ADGRV1: variants seen among roughly 807,000 people sequenced by gnomAD.
ADGRV1 encodes the protein adhesion G protein-coupled receptor V1.
In ADGRV1, 359 loss-of-function variants were observed where a neutral mutation model predicts 596.2. The ratio of observed to expected loss-of-function variants is 0.60; its 90% CI spans 0.55 to 0.66. The LOEUF (loss-of-function observed/expected upper bound fraction) is 0.66. Ranked by LOEUF, ADGRV1 falls within the 30% of genes least tolerant of loss-of-function variation. The pLI is 0.00. For synonymous variants in ADGRV1, 2,681 were observed against 2,679.2 expected (o/e 1.00, Z -0.02); for missense variants, 7,274 against 7,575.6 (o/e 0.96, Z 1.48).
At chr5:90,818,009 T>A (rs1581218253) in intron 75 of ADGRV1, among the ~76,000 whole-genome samples, 1 of 152,208 alleles carries the variant, frequency 6.6e-6, no homozygotes, top group African/African-American at 2.4e-5. Flanking sequence ...TTGGGCACTA[T>A]GGCCATTTTC....
intron 59 of ADGRV1, among the ~76,000 whole-genome samples, chr5:90,768,344 A>G (rs183185797): frequency 1.3e-3 from 192 of 152,216 alleles, no homozygotes; most frequent in African/African-American, 2.8e-3. Context: ...ACAAAGATCT[A>G]TGTCTCCCAC....
At chr5:90,925,647 G>T (rs1452327764) in intron 83 of ADGRV1, among the ~76,000 whole-genome samples, 1 of 148,084 alleles carries the variant, frequency 6.8e-6, no homozygotes, top group East Asian at 2.0e-4. Context: ...TAATTGCCCT[G>T]GCCAGAACTT....
chr5:91,085,201 A>C (rs890866632), intron 86 of ADGRV1, among the ~76,000 whole-genome samples: 4 of 152,230 alleles, frequency 2.6e-5, no homozygotes, highest in Non-Finnish European at 4.4e-5. Context: ...CACGTTGTGC[A>C]CATGTACCCT....
intron 83 of ADGRV1, among the ~76,000 whole-genome samples, chr5:90,941,714 T>C (rs1018294443): frequency 2.0e-5 from 3 of 152,206 alleles, no homozygotes; most frequent in African/African-American, 7.2e-5. Flanking sequence ...TCTCACCAGT[T>C]GAGTTCAGGT....
At chr5:90,744,943 G>T in intron 50 of ADGRV1, 103 bp from the exon 51 acceptor site, 1 of 747,438 alleles carries the variant, frequency 1.3e-6, no homozygotes, top group Non-Finnish European at 2.3e-6. Context: ...AATCACAATG[G>T]AACTTTGAGA....
At chr5:90,641,368 T>C (rs746188111) in intron 11 of ADGRV1, among the ~76,000 whole-genome samples, 1 of 152,232 alleles carries the variant, frequency 6.6e-6, no homozygotes, top group Non-Finnish European at 1.5e-5. Flanking sequence ...AATTTGCATT[T>C]CACTTAAGGG....
chr5:91,045,414 A>G (rs907655040), intron 85 of ADGRV1, among the ~76,000 whole-genome samples: 1 of 152,366 alleles, frequency 6.6e-6, no homozygotes, highest in East Asian at 1.9e-4. Context: ...GGTATGCCAC[A>G]TAAGCAGAAT....
At chr5:91,141,375 T>A (rs559281428) in intron 87 of ADGRV1, among the ~76,000 whole-genome samples, 1 of 152,336 alleles carries the variant, frequency 6.6e-6, no homozygotes, top group Admixed American at 6.5e-5. Context: ...GCAAATATTT[T>A]AAAAAGCATT....
chr5:91,001,915 G>T (rs776109820), intron 85 of ADGRV1, among the ~76,000 whole-genome samples: 7 of 152,006 alleles, frequency 4.6e-5, no homozygotes, highest in Non-Finnish European at 8.8e-5. Flanking sequence ...ATTGCAAGCT[G>T]TGTTTATTTC....
At chr5:90,596,014 A>C (rs1196746230) in intron 1 of ADGRV1, among the ~76,000 whole-genome samples, 1 of 133,058 alleles carries the variant, frequency 7.5e-6, no homozygotes, top group African/African-American at 2.9e-5. Flanking sequence ...CCGGGCGGAG[A>C]GGCTCCTCAC....
At chr5:91,008,034 A>G (rs1246985602) in intron 85 of ADGRV1, among the ~76,000 whole-genome samples, 4 of 152,170 alleles carry the variant, frequency 2.6e-5, no homozygotes, top group Non-Finnish European at 5.9e-5. Context: ...AAGCAAAATT[A>G]ATTGTGTCTC....
chr5:90,802,609 G>T, intron 70 of ADGRV1, 130 bp from the exon 71 acceptor site: 1 of 713,098 alleles, frequency 1.4e-6, no homozygotes, highest in East Asian at 2.8e-5. Flanking sequence ...TTGTGATGGG[G>T]AAAAGTGCAT....
chr5:90,566,474 T>C (rs1194405032), intron 1 of ADGRV1, among the ~76,000 whole-genome samples: 2 of 152,084 alleles, frequency 1.3e-5, no homozygotes, highest in East Asian at 3.8e-4. Context: ...TGTATGGTTT[T>C]ATTTCTGGAC....
At chr5:90,819,172 A>G (rs928816570) in intron 75 of ADGRV1, among the ~76,000 whole-genome samples, 21 of 152,200 alleles carry the variant, frequency 1.4e-4, no homozygotes, top group African/African-American at 2.9e-4. Context: ...GAATTTATCC[A>G]TTTCTTCTAG....
At chr5:90,648,781 TC>T (rs1325323847) in intron 17 of ADGRV1, among the ~76,000 whole-genome samples, 1 of 152,162 alleles carries the variant, frequency 6.6e-6, no homozygotes, top group East Asian at 1.9e-4. Flanking sequence ...AAAACTATTA[TC>T]CTGTGAGGAA....
chr5:90,946,466 A>C (rs1246516580), intron 83 of ADGRV1, among the ~76,000 whole-genome samples: 1 of 152,110 alleles, frequency 6.6e-6, no homozygotes, highest in East Asian at 1.9e-4. Flanking sequence ...TTTTAATTTA[A>C]TTTTAAGTTT....
At position 91,102,222 on chromosome 5, in the gene ADGRV1, T is replaced by A; in HGVS notation, c.18314T>A (p.Ile6105Asn). The part of the protein sequence containing the change: ...VFRGRTNAAE[I>N]PLILYLFALI... ...ATTCTTTTTTTTTTATTTCTAGAAA[T>A]TCCACTGATTTTATATCTCTTTGCT... is the stretch of plus-strand genomic sequence containing the variant. Residue 6105 changes from isoleucine (I) to asparagine (N), a missense_variant, in exon 87 of 90, where the codon ATT becomes AAT. Coordinates refer to ENST00000405460, the MANE Select transcript of ADGRV1 (RefSeq NM_032119.4). 2.5e-6 allele frequency: 4 copies of A among 1,605,966 alleles called. No homozygotes were observed. The highest frequency in any genetic ancestry group is 3.4e-6 in the Non-Finnish European group (4 of 1,175,564).
chr5:90,826,332 C>G (rs1359225506), intron 76 of ADGRV1, among the ~76,000 whole-genome samples: 2 of 152,144 alleles, frequency 1.3e-5, no homozygotes, highest in Non-Finnish European at 2.9e-5. Context: ...TAAGCACCAT[C>G]TTCTTCATTT....
At chr5:90,643,318 T>A (rs1767245968) in intron 13 of ADGRV1, among the ~76,000 whole-genome samples, 1 of 151,300 alleles carries the variant, frequency 6.6e-6, no homozygotes, top group African/African-American at 2.5e-5. Context: ...GCTTTATTCA[T>A]GTTAAGGCTT....
Sources: allele counts gnomAD v4.1 joint callset (sites outside exome capture counted in the v4.1 genomes callset), GRCh38; gene constraint gnomAD v4.1.1; transcripts MANE v1.5; gene names NCBI Gene and HGNC (gene_info 2026-07-23, HGNC 2026-07-21).